The following ZAP70 variants were observed in gnomAD, a reference collection of about 807,000 sequenced individuals.
ZAP70 encodes the protein tyrosine-protein kinase ZAP-70.
ZAP70 carries 27 observed loss-of-function variants against 65.8 expected under a neutral mutation model. The ratio of observed to expected loss-of-function variants is 0.41; its 90% CI spans 0.30 to 0.57. The LOEUF is 0.57. Among genes scored for constraint, ZAP70 ranks in the 20% least tolerant of loss-of-function variants. The probability of loss-of-function intolerance (pLI) is 0.28; values close to 1 mark genes in which losing one functional copy is unlikely to be tolerated. For synonymous variants in ZAP70, 363 were observed against 360.8 expected, an observed-to-expected ratio of 1.01 and a Z score of -0.07; for missense variants, 696 against 870.5, an observed-to-expected ratio of 0.80 and a Z score of 2.52.
chr2:97,743,528 G>T (rs1314894106), downstream of ZAP70, among the ~76,000 whole-genome samples: 4 of 152,054 alleles, frequency 2.6e-5, no homozygotes, highest in African/African-American at 9.7e-5. Context: ...TAGAGATAGG[G>T]TTTCACCATA....
chr2:97,750,492 G>A, the ZAP70 span, among the ~76,000 whole-genome samples: 1 of 152,222 alleles, frequency 6.6e-6, no homozygotes, highest in East Asian at 1.9e-4. Flanking sequence ...GTTGTAAAGC[G>A]AGTTGTTGAA....
chr2:97,738,842 A>T (rs552963497), intron 13 of ZAP70, among the ~76,000 whole-genome samples: 1 of 152,046 alleles, frequency 6.6e-6, no homozygotes, highest in Non-Finnish European at 1.5e-5. Context: ...ACCACACCCC[A>T]GTACCCAAAG....
intron 2 of ZAP70, among the ~76,000 whole-genome samples, chr2:97,719,556 G>GT (rs1347718530): frequency 6.6e-6 from 1 of 151,248 alleles, no homozygotes; most frequent in East Asian, 2.0e-4. Flanking sequence ...AACAGCCTGG[G>GT]GGGGGGGCGC....
chr2:97,739,443 G>A lies in ZAP70; in HGVS notation c.1805G>A (p.Ser602Asn). The change falls in exon 14 of 14, where the codon AGC becomes AAC. Residue 602 changes from serine (S) to asparagine (N), a missense_variant. Physicochemically the swap from Ser to Asn is conservative, Grantham distance 46 (BLOSUM62 1). Around this residue, in one of 3 missense-constraint regions of ZAP70, gnomAD observed 78 missense variants for 88.6 expected, o/e 0.88. Transcript: ENST00000264972. Reference protein sequence around the residue: ...RMRACYYSLASKVEGPPGSTQ... With the variant: ...RMRACYYSLANKVEGPPGSTQ... ...CGAGCCTGTTACTACAGCCTGGCCA[G>A]CAAGGTGGAAGGGCCCCCAGGCAGC... 6.2e-7 allele frequency: 1 copy of A among 1,613,850 alleles called. No individual in the cohort carries two copies. Among genetic ancestry groups the A allele is most frequent in the East Asian group, 2.2e-5 (1 of 44,880 alleles).
intron 4 of ZAP70, among the ~76,000 whole-genome samples, chr2:97,732,516 C>T (rs185440275): frequency 1.1e-3 from 167 of 152,336 alleles, no homozygotes; most frequent in African/African-American, 3.7e-3. Flanking sequence ...AGTGTCTGGC[C>T]GTGGATGGCC....
intron 4 of ZAP70, among the ~76,000 whole-genome samples, chr2:97,728,643 C>T (rs1200084552): frequency 1.3e-5 from 2 of 152,230 alleles, no homozygotes; most frequent in African/African-American, 4.8e-5. Context: ...CAGGGCTGTG[C>T]ACTGCCAATG....
At chr2:97,739,354 G>C in intron 13 of ZAP70, 21 bp from the exon 14 acceptor site, 1 of 1,612,878 alleles carries the variant, frequency 6.2e-7, no homozygotes, top group Non-Finnish European at 8.5e-7. Flanking sequence ...CAGCAGCCTG[G>C]ATGTACCCCA....
chr2:97,730,848 G>A (rs1677568990), intron 4 of ZAP70, among the ~76,000 whole-genome samples: 1 of 152,128 alleles, frequency 6.6e-6, no homozygotes, highest in African/African-American at 2.4e-5. Context: ...GAGGTCAGAA[G>A]ATTGAGACCA....
At chr2:97,739,244 AC>A in intron 13 of ZAP70, 130 bp from the exon 14 acceptor site, 1 of 1,426,790 alleles carries the variant, frequency 7.0e-7, no homozygotes, top group Non-Finnish European at 9.5e-7. Flanking sequence ...ATGTCCCGCC[AC>A]CCCAACAGCC....
rs761356130 is a variant in ZAP70, at chr2:97,736,802, C to A, written c.1290-671C>A. On this transcript the variant is annotated intron_variant, in intron 10 of 13. Transcript: ENST00000264972. This position sits in a 1 kb window ranked among gnomAD's most constrained non-coding sequence, Gnocchi z 4.0. Reference sequence around the variant, plus strand: ...GCAGGGAGGGGATGAGCAGACCGTGCCAGGCCTTGCGGGCTGCCAGGAGGA... The same window carrying A: ...GCAGGGAGGGGATGAGCAGACCGTGACAGGCCTTGCGGGCTGCCAGGAGGA... 2.6e-5 allele frequency among the ~76,000 whole-genome samples: 4 copies of A among 152,054 alleles called. No homozygotes were observed. Among genetic ancestry groups the A allele is most frequent in the Non-Finnish European group, 5.9e-5 (4 of 68,016 alleles).
chr2:97,749,112 A>C, the ZAP70 span, among the ~76,000 whole-genome samples: 8 of 148,158 alleles, frequency 5.4e-5, no homozygotes, highest in South Asian at 8.4e-4. Flanking sequence ...CGGGTTCACG[A>C]CATTCTCCTG....
the ZAP70 span, among the ~76,000 whole-genome samples, chr2:97,756,089 C>T: frequency 3.9e-5 from 6 of 152,128 alleles, no homozygotes; most frequent in African/African-American, 1.4e-4. Flanking sequence ...AGGATAGTGG[C>T]AGAGGGAAAA....
In ZAP70 at chr2:97,737,745, C is replaced by T. The variant is rs1677961782; in HGVS notation, c.1483-12C>T. ...CCTGACCCCTGATCCAGCAGCATCT[C>T]CCCCTCCCCAGGCCCGCTCAGCAGG... On this transcript the variant is annotated splice_polypyrimidine_tract_variant and intron_variant, in intron 11 of 13. Transcript: ENST00000264972. This position sits in a 1 kb window ranked among gnomAD's most constrained non-coding sequence, Gnocchi z 5.0. The T allele has an allele frequency of 6.2e-7, 1 of 1,614,018 alleles. No individual in the cohort carries two copies. Among genetic ancestry groups the T allele is most frequent in the African/African-American group, 1.3e-5 (1 of 74,926 alleles).
chr2:97,752,428 T>G, the ZAP70 span, among the ~76,000 whole-genome samples: 1 of 152,250 alleles, frequency 6.6e-6, no homozygotes, highest in Non-Finnish European at 1.5e-5. Flanking sequence ...CAGCTGGCCC[T>G]CCTAAGATGT....
the ZAP70 span, among the ~76,000 whole-genome samples, chr2:97,745,296 C>T: frequency 6.6e-6 from 1 of 152,220 alleles, no homozygotes; most frequent in Non-Finnish European, 1.5e-5. Flanking sequence ...GCCTTGGCCT[C>T]CCAAAGTGCT....
At chr2:97,749,485 C>T in the ZAP70 span, among the ~76,000 whole-genome samples, 2 of 152,088 alleles carry the variant, frequency 1.3e-5, no homozygotes, top group East Asian at 1.9e-4. Flanking sequence ...TTTGGAGTTC[C>T]GGGTGGGCAA....
At chr2:97,723,954 G>C (rs1397146600) in intron 2 of ZAP70, 62 bp from the exon 3 acceptor site, 95 of 1,520,488 alleles carry the variant, frequency 6.2e-5, no homozygotes, top group Non-Finnish European at 8.0e-5. Flanking sequence ...CGCCGTCTTT[G>C]GGCCCAACGC....
rs374368837 is a variant in ZAP70, at chr2:97,731,011, C to A, written c.564-1872C>A. ...CAGAGCTTGCAGTGAGCCGAGATCA[C>A]GCCACTGCACTCCAGCCCGGGCTGT... On this transcript the variant is annotated intron_variant, in intron 4 of 13. Coordinates refer to ENST00000264972, the MANE Select transcript of ZAP70 (RefSeq NM_001079.4). This position sits in a 1 kb window ranked among gnomAD's most constrained non-coding sequence, Gnocchi z 4.0. Among the ~76,000 whole-genome samples, 1 of 148,634 alleles carries A rather than the reference C, an allele frequency of 6.7e-6. No homozygotes were observed. The highest frequency in any genetic ancestry group is 6.7e-5 in the Admixed American group (1 of 14,858).
chr2:97,718,450 C>T (rs1333973401), intron 2 of ZAP70, among the ~76,000 whole-genome samples: 1 of 152,098 alleles, frequency 6.6e-6, no homozygotes, highest in Admixed American at 6.5e-5. Flanking sequence ...AACTTGGGCC[C>T]CATGTTTTAC....
Sources: allele counts gnomAD v4.1 joint callset (sites outside exome capture counted in the v4.1 genomes callset), GRCh38; gene constraint gnomAD v4.1.1; regional missense constraint gnomAD v4.1.1; non-coding constraint Gnocchi (gnomAD v3.1); transcripts MANE v1.5; gene names NCBI Gene and HGNC (gene_info 2026-07-23, HGNC 2026-07-21).